The following PSMA7 variants were observed in gnomAD, a reference collection of about 807,000 sequenced individuals.
PSMA7 encodes the protein proteasome subunit alpha type-7.
Under a neutral mutation model 31.3 loss-of-function variants are expected in PSMA7, and 5 were observed. The ratio of observed to expected loss-of-function variants is 0.16; its 90% confidence interval spans 0.08 to 0.34. PSMA7 has a LOEUF of 0.34. Among genes scored for constraint, PSMA7 ranks in the 10% least tolerant of loss-of-function variants. The pLI, the probability that PSMA7 is intolerant of heterozygous loss-of-function variation, is 1.00. For missense variants in PSMA7, 217 were observed against 327.5 expected, an observed-to-expected ratio of 0.66 and a Z score of 2.60; for synonymous variants, 155 against 121.9, an observed-to-expected ratio of 1.27 and a Z score of -1.79.
Position 62,143,358 on chromosome 20 carries a change from AC to A in PSMA7, c.-56del. 9.3e-7 allele frequency: 1 copy of A among 1,072,844 alleles called. No individual in the cohort carries two copies. Among genetic ancestry groups the A allele is most frequent in the African/African-American group, 1.8e-5 (1 of 57,016 alleles). 66.5% of individuals were successfully genotyped at this position (1,072,844 alleles called of 1,614,324 possible). On this transcript the variant is annotated 5_prime_UTR_variant, in exon 1 of 7. Coordinates refer to ENST00000370873, the MANE Select transcript of PSMA7 (RefSeq NM_002792.4). ...CCGCGACTCTCAAAAGCGCACACTC[AC>A]GGCCCGCGCGCACCCGCGACTCCCG...
At chr20:62,137,077 A>G in intron 6 of PSMA7, 128 bp from the exon 7 acceptor site, 1 of 1,315,340 alleles carries the variant, frequency 7.6e-7, no homozygotes, top group Non-Finnish European at 1.1e-6. Flanking sequence ...GAACCTCAAG[A>G]AAAACAAGAG....
chr20:62,140,237 A>G (rs1222017589), intron 2 of PSMA7, among the ~76,000 whole-genome samples: 3 of 152,258 alleles, frequency 2.0e-5, no homozygotes, highest in African/African-American at 7.2e-5. Context: ...ACACAGATCA[A>G]CAGGGACTGT....
intron 4 of PSMA7, among the ~76,000 whole-genome samples, chr20:62,138,532 A>G (rs979874506): frequency 6.7e-6 from 1 of 149,062 alleles, no homozygotes; most frequent in Non-Finnish European, 1.5e-5. Flanking sequence ...TTACTGCGCT[A>G]TCAAGAGGCA....
chr20:62,138,369 T>C (rs1600966422), intron 4 of PSMA7, 79 bp from the exon 5 acceptor site: 3 of 1,506,890 alleles, frequency 2.0e-6, no homozygotes, highest in East Asian at 4.6e-5. Flanking sequence ...CTGCCCTACA[T>C]GGGCCGCCCA....
At chr20:62,142,023 G>A (rs762167682) in intron 1 of PSMA7, among the ~76,000 whole-genome samples, 18 of 152,210 alleles carry the variant, frequency 1.2e-4, no homozygotes, top group South Asian at 2.1e-4. Context: ...CAGCGTCCCT[G>A]GCCTCTACCC....
At chr20:62,138,606 G>C (rs1345935895) in intron 4 of PSMA7, among the ~76,000 whole-genome samples, 2 of 149,126 alleles carry the variant, frequency 1.3e-5, no homozygotes, top group Non-Finnish European at 3.0e-5. Flanking sequence ...CCAGCCTGGA[G>C]TGCAGTGGTG....
intron 1 of PSMA7, 24 bp from the exon 2 acceptor site, chr20:62,140,968 C>A: frequency 6.2e-7 from 1 of 1,613,354 alleles, no homozygotes; most frequent in Non-Finnish European, 8.5e-7. Context: ...CCACAAACCA[C>A]GTAAGAAAGT....
At chr20:62,138,993 T>C in intron 4 of PSMA7, 82 bp downstream of exon 4, 4 of 1,539,318 alleles carry the variant, frequency 2.6e-6, no homozygotes, top group Non-Finnish European at 2.6e-6. Flanking sequence ...ATACAGGGCC[T>C]ACAGCAGGAA....
chr20:62,139,192 A>G lies in PSMA7; in HGVS notation c.354T>C (p.Tyr118=), dbSNP rs752292379. 9.9e-6 allele frequency: 16 copies of G among 1,613,606 alleles called. No individual in the cohort carries two copies. The Admixed American group carries it at 1.8e-4, about 19-fold the overall frequency. Residue 118 remains tyrosine (Y), a synonymous_variant, in exon 4 of 7, where the codon TAT becomes TAC. Transcript: ENST00000370873. ...ACGGCCTGCGCCCATTGCTCTGCGT[A>G]TAACGCTAGCAAGAAAAGAAACAGG... The part of the protein sequence containing the change: ...TRYIASLKQR[Y]TQSNGRRPFG...
chr20:62,136,740 T>A lies in PSMA7; in HGVS notation c.*117A>T. The A allele has an allele frequency of 1.4e-6, 2 of 1,382,372 alleles. No individual in the cohort carries two copies. The highest frequency in any genetic ancestry group is 9.6e-7 in the Non-Finnish European group (1 of 1,041,038). 85.6% of individuals were successfully genotyped at this position (1,382,372 alleles called of 1,614,324 possible). On this transcript the variant is annotated 3_prime_UTR_variant, in exon 7 of 7. Coordinates refer to ENST00000370873, the MANE Select transcript of PSMA7 (RefSeq NM_002792.4). ...CTTAAAAAAAAAAACAGGTTAAAAA[T>A]ACGGAAGTTTATTGTAGGACACTCA...
At chr20:62,140,216 G>T (rs1418459921) in intron 2 of PSMA7, among the ~76,000 whole-genome samples, 2 of 152,188 alleles carry the variant, frequency 1.3e-5, no homozygotes, top group Non-Finnish European at 2.9e-5. Context: ...GCAGAATCTG[G>T]ATTTTTAAAA....
rs1394782523 is a variant in PSMA7, at chr20:62,138,392, G to C, written c.472-102C>G. 6.9e-6 allele frequency: 10 copies of C among 1,456,346 alleles called. No homozygotes were observed. The African/African-American group carries it at 1.4e-4, about 21-fold the overall frequency. 90.2% of individuals were successfully genotyped at this position (1,456,346 alleles called of 1,614,324 possible). The stretch of plus-strand genomic sequence containing the variant: ...CATGGGCCGCCCAGCCAGTGGCAGT[G>C]GCAGGAGGCAAGCTGGAGTGCTGGA... On this transcript the variant is annotated intron_variant, in intron 4 of 6. Transcript: ENST00000370873.
intron 3 of PSMA7, 44 bp from the exon 4 acceptor site, chr20:62,139,241 T>G (rs199500397): frequency 1.3e-6 from 2 of 1,597,054 alleles, no homozygotes; most frequent in Non-Finnish European, 1.7e-6. Context: ...ATTAAGAAAC[T>G]GCATGTGAGG....
intron 4 of PSMA7, 151 bp from the exon 5 acceptor site, chr20:62,138,441 G>A (rs1042871866): frequency 3.0e-5 from 29 of 972,722 alleles, no homozygotes; most frequent in Non-Finnish European, 4.2e-5. Context: ...CACAGGCCCT[G>A]CCTCGTGGCT....
chr20:62,142,330 T>G (rs1261680130), intron 1 of PSMA7: 2 of 152,218 alleles, frequency 1.3e-5, no homozygotes, highest in East Asian at 3.8e-4. Context: ...TTAGATCACC[T>G]GATGAATACT....
chr20:62,139,726 G>A (rs540508384), intron 3 of PSMA7, 55 bp downstream of exon 3: 384 of 1,613,408 alleles, frequency 2.4e-4, no homozygotes, highest in Middle Eastern at 6.6e-4. Context: ...CCTCCATGGC[G>A]GAGCCGTGAC....
chr20:62,142,125 G>C (rs945842164), intron 1 of PSMA7, among the ~76,000 whole-genome samples: 1 of 152,214 alleles, frequency 6.6e-6, no homozygotes, highest in African/African-American at 2.4e-5. Context: ...AACCATCCCT[G>C]GCTGAGAAGT....
intron 2 of PSMA7, 111 bp from the exon 3 acceptor site, chr20:62,140,016 A>C: frequency 1.4e-6 from 2 of 1,382,658 alleles, no homozygotes; most frequent in African/African-American, 1.4e-5. Context: ...AACCGGCAGC[A>C]AGGCTATTCT....
chr20:62,139,326 A>T (rs1475087675), intron 3 of PSMA7, 129 bp from the exon 4 acceptor site: 1 of 1,163,582 alleles, frequency 8.6e-7, no homozygotes, highest in Non-Finnish European at 1.2e-6. Flanking sequence ...CAGCAGTTCA[A>T]ATGATACATT....
Sources: allele counts gnomAD v4.1 joint callset (sites outside exome capture counted in the v4.1 genomes callset), GRCh38; gene constraint gnomAD v4.1.1; transcripts MANE v1.5; gene names NCBI Gene and HGNC (gene_info 2026-07-23, HGNC 2026-07-21).